MTCH1: variants seen among roughly 807,000 people sequenced by gnomAD.
MTCH1 encodes mitochondrial carrier 1.
A neutral mutation model predicts 49.3 loss-of-function variants in MTCH1; 23 were observed. The ratio of observed to expected loss-of-function variants is 0.47; its 90% CI spans 0.34 to 0.66. The LOEUF (loss-of-function observed/expected upper bound fraction) is 0.66. Among genes scored for constraint, MTCH1 ranks in the 30% least tolerant of loss-of-function variants. The probability of loss-of-function intolerance (pLI) is 0.01; values close to 1 mark genes in which losing one functional copy is unlikely to be tolerated. For missense variants in MTCH1, 397 were observed against 532.1 expected, an observed-to-expected ratio of 0.75 and a Z score of 2.50; for synonymous variants, 229 against 215.2, an observed-to-expected ratio of 1.06 and a Z score of -0.56.
rs1763719573 is a variant in MTCH1 at position 36,972,527 on chromosome 6, G to A, written c.906+125C>T. 6 of 1,182,242 alleles carry A rather than the reference G, an allele frequency of 5.1e-6. No homozygotes were observed. The highest frequency in any genetic ancestry group is 7.0e-6 in the Non-Finnish European group (6 of 861,456). 73.2% of individuals were successfully genotyped at this position (1,182,242 alleles called of 1,614,324 possible). A position where few individuals can be genotyped will look rare whatever the true frequency, so the allele number is the denominator to read the frequency against. ...CCCCTTAGACAAAGATGACTCCAGGGATAATGAGAGGTCCTCTCTCACCCT... is the reference window on the plus strand; with the variant it reads ...CCCCTTAGACAAAGATGACTCCAGGAATAATGAGAGGTCCTCTCTCACCCT... On this transcript the variant is annotated intron_variant, in intron 8 of 11. Transcript: ENST00000373627. The surrounding 1 kb of genome is among the most constrained non-coding windows in gnomAD (Gnocchi z 4.1).
chr6:36,986,298 G>T (rs1013908690), upstream of MTCH1: 4 of 923,560 alleles, frequency 4.3e-6, no homozygotes, highest in Non-Finnish European at 5.8e-6. Flanking sequence ...GGTGCGGCGG[G>T]TGGGACACGC....
intron 2 of MTCH1, among the ~76,000 whole-genome samples, chr6:36,978,875 C>CAT (rs1491325260): frequency 1.5e-4 from 15 of 100,422 alleles, no homozygotes; most frequent in Admixed American, 2.4e-4. Flanking sequence ...TCCCTCCCTC[C>CAT]TTTTTTTTTT....
At chr6:36,978,697 C>T in intron 2 of MTCH1, 86 bp from the exon 3 acceptor site, 1 of 1,223,236 alleles carries the variant, frequency 8.2e-7, no homozygotes, top group Non-Finnish European at 1.2e-6. Context: ...CCAGGCTCGG[C>T]TTGTCCTTCA....
chr6:36,979,453 G>A (rs183258139), intron 2 of MTCH1, among the ~76,000 whole-genome samples: 3 of 152,294 alleles, frequency 2.0e-5, no homozygotes, highest in Admixed American at 1.3e-4. Flanking sequence ...CATTCTCTCA[G>A]ACAGCATGCT....
At chr6:36,983,761 G>C (rs952144892) in intron 1 of MTCH1, among the ~76,000 whole-genome samples, 8 of 151,940 alleles carry the variant, frequency 5.3e-5, no homozygotes, top group African/African-American at 2.4e-5. Context: ...ACCTAATCTA[G>C]ACAATCCCCA....
intron 11 of MTCH1, chr6:36,969,459 G>T (rs976622596): frequency 1.7e-5 from 18 of 1,071,034 alleles, no homozygotes; most frequent in Admixed American, 4.9e-5. Flanking sequence ...TTCTGCCCTC[G>T]GCCAAAGCCT....
chr6:36,983,093 C>T (rs1209775729), intron 1 of MTCH1, among the ~76,000 whole-genome samples: 2 of 152,218 alleles, frequency 1.3e-5, no homozygotes, highest in African/African-American at 2.4e-5. Flanking sequence ...AGGCTATCTC[C>T]TATGGATCTG....
rs1461740040 is a variant in MTCH1 at position 36,972,849 on chromosome 6, G to A, written c.762-53C>T. 3.3e-5 allele frequency: 50 copies of A among 1,497,638 alleles called. No homozygotes were observed. The highest frequency in any genetic ancestry group is 4.3e-5 in the Non-Finnish European group (48 of 1,105,752). The allele number at this position is 1,497,638 out of a possible 1,614,324, so 92.8% of individuals were successfully genotyped here. Reference sequence around the variant, plus strand: ...CAGGAGAGGGAGAGGAGCAGTTCCTGGGGGCTCCACACCCAGGAAGCAGGC... The same window carrying A: ...CAGGAGAGGGAGAGGAGCAGTTCCTAGGGGCTCCACACCCAGGAAGCAGGC... On this transcript the variant is annotated intron_variant, in intron 7 of 11. Coordinates refer to ENST00000373627, the MANE Select transcript of MTCH1 (RefSeq NM_001271641.2). This position sits in a 1 kb window ranked among gnomAD's most constrained non-coding sequence, Gnocchi z 4.1.
rs370792435 is a variant in MTCH1 at position 36,970,165 on chromosome 6, C to G, written c.1023-51G>C. ...CAGAGAACAGTGGAAGACAGCCAGC[C>G]ACGGGAAAGCCACTTCAAGAAGGAA... is the stretch of plus-strand genomic sequence containing the variant. On this transcript the variant is annotated intron_variant, in intron 10 of 11. Coordinates refer to ENST00000373627, the MANE Select transcript of MTCH1 (RefSeq NM_001271641.2). 29 of 1,586,778 alleles carry G rather than the reference C, an allele frequency of 1.8e-5. No homozygotes were observed. The African/African-American group carries it at 3.2e-4, about 18-fold the overall frequency.
In MTCH1 at chr6:36,978,063, A is replaced by T. The variant is rs181381233; in HGVS notation, c.591+15T>A. ...CCCTCCACGCACCTCTCCCTCTCCA[A>T]CTCTCAACACCCACCTCCTTCACAA... is the stretch of plus-strand genomic sequence containing the variant. On this transcript the variant is annotated intron_variant, in intron 4 of 11. Transcript: ENST00000373627. 486 of 1,603,718 alleles carry T rather than the reference A, an allele frequency of 3.0e-4. 5 individuals carry two copies. The highest frequency in any genetic ancestry group is 3.3e-4 in the Non-Finnish European group (382 of 1,170,832).
intron 1 of MTCH1, among the ~76,000 whole-genome samples, chr6:36,983,816 C>T (rs1213530686): frequency 6.6e-6 from 1 of 152,166 alleles, no homozygotes; most frequent in Non-Finnish European, 1.5e-5. Context: ...AGTAATTTGC[C>T]TTTCTGCAAG....
rs1246523848 is a variant in MTCH1, at chr6:36,972,278, G to A, written c.906+374C>T. ...ATGCCGTCAGATCAAAGGCCATAAC[G>A]TTCACAAAAGGGTTTTAAAAAGCAA... On this transcript the variant is annotated intron_variant, in intron 8 of 11. Transcript: ENST00000373627. This position sits in a 1 kb window ranked among gnomAD's most constrained non-coding sequence, Gnocchi z 4.1. Among the ~76,000 whole-genome samples, 2 of 152,096 alleles carry A rather than the reference G, an allele frequency of 1.3e-5. No individual in the cohort carries two copies. The highest frequency in any genetic ancestry group is 2.9e-5 in the Non-Finnish European group (2 of 68,016).
At chr6:36,969,194 G>A in intron 11 of MTCH1, 1 of 985,378 alleles carries the variant, frequency 1.0e-6, no homozygotes, top group Non-Finnish European at 1.2e-6. Context: ...GGGCTACTCT[G>A]TAGGAGAGCC....
At chr6:36,969,150 G>T in intron 11 of MTCH1, 176 bp from the exon 12 acceptor site, 2 of 985,416 alleles carry the variant, frequency 2.0e-6, no homozygotes, top group Non-Finnish European at 2.4e-6. Flanking sequence ...GAAGCAGAAG[G>T]GAGCGGTTCA....
At chr6:36,969,207 A>G in intron 11 of MTCH1, 5 of 985,450 alleles carry the variant, frequency 5.1e-6, no homozygotes, top group Non-Finnish European at 6.0e-6. Context: ...GGAGAGCCCT[A>G]GAGAGGAGGC....
chr6:36,975,668 C>G lies in MTCH1; in HGVS notation c.751G>C (p.Gly251Arg). ...GKIFKEEGLL[G>R]FFVGLIPHLL... Reference sequence around the variant, plus strand: ...TATAAACTCACGTACACGAAGAATCCCAGCAGCCCTTCCTCTTTGAAAATC... The same window carrying G: ...TATAAACTCACGTACACGAAGAATCGCAGCAGCCCTTCCTCTTTGAAAATC... The change falls in exon 7 of 12, where the codon GGA (glycine) becomes CGA (arginine). Residue 251 changes from glycine to arginine, a missense_variant. Coordinates refer to ENST00000373627, the MANE Select transcript of MTCH1 (RefSeq NM_001271641.2). The G allele has an allele frequency of 6.2e-7, 1 of 1,614,092 alleles. No individual in the cohort carries two copies. Among genetic ancestry groups the G allele is most frequent in the South Asian group, 1.1e-5 (1 of 91,062 alleles).
chr6:36,972,445 A>G lies in MTCH1; in HGVS notation c.906+207T>C, dbSNP rs1317728930. 2.6e-5 allele frequency among the ~76,000 whole-genome samples: 4 copies of G among 152,084 alleles called. No individual in the cohort carries two copies. The highest frequency in any genetic ancestry group is 9.7e-5 in the African/African-American group (4 of 41,412). ...TAAGGCGCCCAGGGACAAGCATTCCATTAATTCCTCCCAGGTCTGGGTACT... is the reference window on the plus strand; with the variant it reads ...TAAGGCGCCCAGGGACAAGCATTCCGTTAATTCCTCCCAGGTCTGGGTACT... On this transcript the variant is annotated intron_variant, in intron 8 of 11. Transcript: ENST00000373627. This position sits in a 1 kb window ranked among gnomAD's most constrained non-coding sequence, Gnocchi z 4.1.
Position 36,968,464 on chromosome 6 carries a change from G to A in MTCH1, c.*439C>T. On this transcript the variant is annotated 3_prime_UTR_variant, in exon 12 of 12. Transcript: ENST00000373627. ...GACATGATGGTGGCCACGTGCCAGG[G>A]GACCACACCCTATGTACAAAGCAGG... 3.0e-6 allele frequency: 1 copy of A among 337,926 alleles called. No individual in the cohort carries two copies. The allele number at this position is 337,926 out of a possible 1,614,324, so 20.9% of individuals were successfully genotyped here. A position where few individuals can be genotyped will look rare whatever the true frequency, so the allele number is the denominator to read the frequency against.
intron 11 of MTCH1, chr6:36,969,542 G>T: frequency 8.7e-7 from 1 of 1,145,608 alleles, no homozygotes; most frequent in Non-Finnish European, 1.1e-6. Context: ...GAGAACCCAA[G>T]GTTGGTACTG....
Sources: gnomAD v4.1 joint callset for allele counts (sites outside exome capture counted in the v4.1 genomes callset) on GRCh38, gnomAD v4.1.1 for gene constraint, Gnocchi (gnomAD v3.1) non-coding constraint, MANE v1.5 for transcripts, NCBI Gene and HGNC (gene_info 2026-07-23, HGNC 2026-07-21) for gene names.